The following TTLL7 variants were observed in gnomAD, a reference collection of about 807,000 sequenced individuals.
The protein encoded by TTLL7 is tubulin tyrosine ligase like 7, also known as tubulin polyglutamylase TTLL7.
TTLL7 carries 53 observed loss-of-function variants against 120.2 expected under a neutral mutation model. That is an observed-to-expected ratio of 0.44 (90% confidence interval 0.35 to 0.55). The LOEUF (loss-of-function observed/expected upper bound fraction) is 0.55, where lower values mean the gene tolerates loss of function less well. TTLL7 is among the 20% of genes least tolerant of loss of function. The probability of loss-of-function intolerance (pLI) is 0.00; values close to 1 mark genes in which losing one functional copy is unlikely to be tolerated. For synonymous variants in TTLL7, 353 were observed against 351.7 expected, an observed-to-expected ratio of 1.00 and a Z score of -0.04; for missense variants, 803 against 1,054.7, an observed-to-expected ratio of 0.76 and a Z score of 3.31.
At chr1:83,919,327 T>C (rs991296453) in intron 13 of TTLL7, among the ~76,000 whole-genome samples, 1 of 151,412 alleles carries the variant, frequency 6.6e-6, no homozygotes, top group Non-Finnish European at 1.5e-5. Context: ...TAGATCTACA[T>C]AGCATCAAGA....
intron 1 of TTLL7, among the ~76,000 whole-genome samples, chr1:83,988,618 G>C (rs1483061744): frequency 2.6e-5 from 4 of 152,084 alleles, no homozygotes; most frequent in Non-Finnish European, 5.9e-5. Flanking sequence ...GTTTTGATTT[G>C]CATGTCTCTG....
At chr1:83,968,734 C>T (rs1289301507) in intron 1 of TTLL7, among the ~76,000 whole-genome samples, 2 of 152,014 alleles carry the variant, frequency 1.3e-5, no homozygotes, top group South Asian at 2.1e-4. Context: ...AATGAGAAGC[C>T]GACTTCATGA....
chr1:83,986,035 G>T (rs1387907888), intron 1 of TTLL7, among the ~76,000 whole-genome samples: 7 of 152,068 alleles, frequency 4.6e-5, no homozygotes, highest in Non-Finnish European at 7.4e-5. Context: ...GAAAATAGAA[G>T]AAGAAACACT....
intron 18 of TTLL7, among the ~76,000 whole-genome samples, chr1:83,902,514 T>C (rs987100726): frequency 1.3e-5 from 2 of 152,074 alleles, no homozygotes; most frequent in Non-Finnish European, 2.9e-5. Flanking sequence ...CAGCAATATG[T>C]GACACAATTG....
At chr1:83,968,238 T>C (rs992292061) in intron 1 of TTLL7, among the ~76,000 whole-genome samples, 3 of 152,036 alleles carry the variant, frequency 2.0e-5, no homozygotes, top group Admixed American at 6.6e-5. Flanking sequence ...TGGGCCATAA[T>C]ATTATTGGAC....
At chr1:83,892,047 T>G (rs909655730) in intron 18 of TTLL7, among the ~76,000 whole-genome samples, 1 of 151,736 alleles carries the variant, frequency 6.6e-6, no homozygotes, top group African/African-American at 2.4e-5. Flanking sequence ...CAGGCTGGTC[T>G]TGAACTCCTG....
chr1:83,932,469 G>A (rs2100820962), intron 9 of TTLL7, among the ~76,000 whole-genome samples: 1 of 152,118 alleles, frequency 6.6e-6, no homozygotes. Context: ...TAAGACCCAG[G>A]CTGGAGCAAA....
At chr1:83,937,771 T>C (rs1254027059) in intron 8 of TTLL7, 81 bp downstream of exon 8, 3 of 1,522,744 alleles carry the variant, frequency 2.0e-6, no homozygotes, top group Non-Finnish European at 1.8e-6. Context: ...AATCAACTCT[T>C]AATGAACTTT....
At chr1:83,903,629 T>A (rs1277725674) in intron 18 of TTLL7, among the ~76,000 whole-genome samples, 1 of 152,100 alleles carries the variant, frequency 6.6e-6, no homozygotes, top group Admixed American at 6.6e-5. Context: ...TAATATCTAA[T>A]ACAATGTAAA....
intron 10 of TTLL7, among the ~76,000 whole-genome samples, chr1:83,928,313 T>C (rs1220867395): frequency 6.6e-5 from 10 of 152,174 alleles, no homozygotes; most frequent in Non-Finnish European, 7.4e-5. Flanking sequence ...ATTAAATAAA[T>C]TGAAATCATA....
At chr1:83,995,757 A>G (rs989777716) in intron 1 of TTLL7, among the ~76,000 whole-genome samples, 5 of 152,108 alleles carry the variant, frequency 3.3e-5, no homozygotes, top group East Asian at 1.9e-4. Flanking sequence ...CTGAGACTCT[A>G]TGCAAAGGAA....
At chr1:83,879,154 A>G (rs1557523684) in intron 20 of TTLL7, among the ~76,000 whole-genome samples, 1 of 152,126 alleles carries the variant, frequency 6.6e-6, no homozygotes, top group East Asian at 1.9e-4. Context: ...ATAAATATTA[A>G]GTGACTTCTA....
chr1:83,929,234 A>C lies in TTLL7; in HGVS notation c.1048-4T>G, dbSNP rs1337008844. On this transcript the variant is annotated splice_polypyrimidine_tract_variant and splice_region_variant and intron_variant, in intron 9 of 20. Transcript: ENST00000260505. ...CAAAGCTTGGGGCTCGGTTAATCTG[A>C]AATTTACAAAGAAGACAATATTGGA... 1 of 1,599,626 alleles carries C rather than the reference A, an allele frequency of 6.3e-7. No homozygotes were observed. Among genetic ancestry groups the C allele is most frequent in the Admixed American group, 1.7e-5 (1 of 58,906 alleles).
chr1:83,904,021 T>C (rs1656969065), intron 18 of TTLL7, 58 bp downstream of exon 18: 2 of 1,362,582 alleles, frequency 1.5e-6, no homozygotes, highest in Non-Finnish European at 2.1e-6. Context: ...TTTGGCTTAA[T>C]GATCCTAGCT....
chr1:83,943,000 A>T (rs960995767), intron 6 of TTLL7, among the ~76,000 whole-genome samples: 2 of 151,684 alleles, frequency 1.3e-5, no homozygotes, highest in African/African-American at 4.9e-5. Context: ...CCTCATTTTC[A>T]ATACCAGTAC....
intron 20 of TTLL7, among the ~76,000 whole-genome samples, chr1:83,879,722 T>G (rs988687485): frequency 6.6e-6 from 1 of 151,998 alleles, no homozygotes; most frequent in Admixed American, 6.6e-5. Flanking sequence ...GGTTCTGAGC[T>G]TGGGCAGGAA....
Position 83,933,847 on chromosome 1 carries a change from G to A in TTLL7, c.889-81C>T, listed in dbSNP as rs1659801456. 11 of 1,375,446 alleles carry A rather than the reference G, an allele frequency of 8.0e-6. No individual in the cohort carries two copies. The South Asian group carries it at 1.5e-4, about 19-fold the overall frequency. The allele number at this position is 1,375,446 out of a possible 1,614,324, so 85.2% of individuals were successfully genotyped here. On this transcript the variant is annotated intron_variant, in intron 8 of 20. Transcript: ENST00000260505. ...CAAATATAACCGGGGCCCACAAACT[G>A]GCAGCCTGGCCAAGTTTACAAAGCT...
intron 20 of TTLL7, among the ~76,000 whole-genome samples, chr1:83,873,274 G>C (rs1016141456): frequency 1.2e-4 from 18 of 152,190 alleles, no homozygotes; most frequent in African/African-American, 4.3e-4. Context: ...TGCAAGTGCT[G>C]TGGGATTTTA....
chr1:83,946,616 C>T (rs1457483171), intron 6 of TTLL7, among the ~76,000 whole-genome samples: 1 of 152,184 alleles, frequency 6.6e-6, no homozygotes, highest in Non-Finnish European at 1.5e-5. Context: ...GCTCTTGGAA[C>T]TTCAGTTTAA....
Sources: allele counts gnomAD v4.1 joint callset (sites outside exome capture counted in the v4.1 genomes callset), GRCh38; gene constraint gnomAD v4.1.1; transcripts MANE v1.5; gene names NCBI Gene and HGNC (gene_info 2026-07-23, HGNC 2026-07-21).